Variants in TK2 observed in about 807,000 individuals in gnomAD.
TK2 encodes thymidine kinase 2, also known as thymidine kinase 2, mitochondrial.
TK2 carries 35 observed loss-of-function variants against 41.9 expected under a neutral mutation model. The ratio of observed to expected loss-of-function variants is 0.84; its 90% CI spans 0.64 to 1.11. The LOEUF is 1.11. Among genes scored for constraint, TK2 ranks in the 50% least tolerant of loss-of-function variants. TK2 has a pLI of 0.00. For missense variants in TK2, 320 were observed against 351.1 expected (o/e 0.91, Z 0.71); for synonymous variants, 128 against 129.1 (o/e 0.99, Z 0.06).
chr16:66,531,294 T>C (rs1477635947), intron 5 of TK2, 86 bp downstream of exon 5: 1 of 1,356,310 alleles, frequency 7.4e-7, no homozygotes, highest in East Asian at 2.4e-5. Context: ...CCTGGCTTCC[T>C]TGTAAAGTTT....
chr16:66,537,494 G>C (rs531352288), intron 3 of TK2, among the ~76,000 whole-genome samples: 2 of 152,202 alleles, frequency 1.3e-5, no homozygotes, highest in Non-Finnish European at 2.9e-5. Context: ...ACTGGCTGCT[G>C]ATAGTCCCTG....
chr16:66,539,949 T>G (rs562182282), intron 3 of TK2, among the ~76,000 whole-genome samples: 2 of 152,238 alleles, frequency 1.3e-5, no homozygotes, highest in South Asian at 4.2e-4. Flanking sequence ...AGAGAGCCAC[T>G]GTTATCAGTT....
At chr16:66,550,145 G>T, upstream of TK2, 1 of 1,612,522 alleles carries the variant, frequency 6.2e-7, no homozygotes, top group Non-Finnish European at 8.5e-7. Context: ...GTTGGGCGCC[G>T]CCTGGATCCC....
intron 2 of TK2, among the ~76,000 whole-genome samples, chr16:66,544,601 G>T (rs1965549444): frequency 6.6e-6 from 1 of 152,172 alleles, no homozygotes; most frequent in East Asian, 1.9e-4. Flanking sequence ...CCATGCTGTG[G>T]GAGCACATGG....
intron 6 of TK2, among the ~76,000 whole-genome samples, chr16:66,520,224 G>A (rs1317639385): frequency 1.3e-5 from 2 of 152,146 alleles, no homozygotes; most frequent in African/African-American, 4.8e-5. Flanking sequence ...GGGACTCCCA[G>A]GCAACAAAAC....
rs1964381835 is a variant in TK2, at chr16:66,509,350, A to G, written c.*2618T>C. On this transcript the variant is annotated 3_prime_UTR_variant, in exon 10 of 10. Coordinates refer to ENST00000544898, the MANE Select transcript of TK2 (RefSeq NM_004614.5). The stretch of plus-strand genomic sequence containing the variant: ...GGACCCCGATGGCCACTAAGCCACC[A>G]CAAAGCCCTGGACCACCCCACTACA... 1 of 152,092 alleles carries G rather than the reference A, an allele frequency of 6.6e-6. No homozygotes were observed. The highest frequency in any genetic ancestry group is 1.5e-5 in the Non-Finnish European group (1 of 68,058). The allele number at this position is 152,092 out of a possible 1,614,324, so 9.4% of individuals were successfully genotyped here.
At chr16:66,549,070 T>G in intron 1 of TK2, 61 bp from the exon 2 acceptor site, 1 of 1,607,792 alleles carries the variant, frequency 6.2e-7, no homozygotes, top group Non-Finnish European at 8.5e-7. Context: ...TCTGCCCTAA[T>G]TTGCTACATG....
At chr16:66,513,862 C>T (rs1164453407) in intron 8 of TK2, 51 bp from the exon 9 acceptor site, 2 of 1,537,638 alleles carry the variant, frequency 1.3e-6, no homozygotes, top group Non-Finnish European at 1.8e-6. Context: ...GCAGACCCCA[C>T]CTACCAAGGG....
intron 4 of TK2, among the ~76,000 whole-genome samples, chr16:66,536,126 C>A (rs999974840): frequency 6.6e-6 from 1 of 151,172 alleles, no homozygotes; most frequent in Non-Finnish European, 1.5e-5. Flanking sequence ...ATCGCTTGAA[C>A]CTGGGAGACA....
chr16:66,512,138 G>A (rs1237054980), intron 9 of TK2, 72 bp from the exon 10 acceptor site: 1 of 1,370,580 alleles, frequency 7.3e-7, no homozygotes, highest in Non-Finnish European at 1.0e-6. Context: ...GCTGGAGACA[G>A]ACAGATGGAA....
intron 5 of TK2, among the ~76,000 whole-genome samples, chr16:66,530,760 C>A (rs887871001): frequency 2.0e-5 from 3 of 151,670 alleles, no homozygotes; most frequent in African/African-American, 7.3e-5. Context: ...CTCTGTCACC[C>A]AGGCTGGAGT....
rs1965470467 is a variant in TK2, at chr16:66,541,956, G to A, written c.157-3C>T. ...GCAATATTGCCCTCGACACAGATCT[G>A]GCAAAAGACGAATGCATATTAGAGC... On this transcript the variant is annotated splice_polypyrimidine_tract_variant and splice_region_variant and intron_variant, in intron 2 of 9. Coordinates refer to ENST00000544898, the MANE Select transcript of TK2 (RefSeq NM_004614.5). 6.2e-7 allele frequency: 1 copy of A among 1,613,884 alleles called. No homozygotes were observed. The highest frequency in any genetic ancestry group is 8.5e-7 in the Non-Finnish European group (1 of 1,179,996).
chr16:66,531,412 G>A lies in TK2; in HGVS notation c.343C>T (p.Leu115Phe), dbSNP rs1965108132. ...CGAGTATGCCTGTCCAGCATGGTGA[G>A]CTGCACATAAGTCTGTAGCGTAAGA... is the stretch of plus-strand genomic sequence containing the variant. ...WGLTLQTYVQ[L>F]TMLDRHTRPQ... Residue 115 changes from leucine (L) to phenylalanine (F), a missense_variant, in exon 5 of 10, where the codon CTC becomes TTC. Coordinates refer to ENST00000544898, the MANE Select transcript of TK2 (RefSeq NM_004614.5). The A allele has an allele frequency of 6.2e-7, 1 of 1,614,098 alleles. No homozygotes were observed. Among genetic ancestry groups the A allele is most frequent in the Non-Finnish European group, 8.5e-7 (1 of 1,180,038 alleles).
chr16:66,511,745 C>T lies in TK2; in HGVS notation c.*223G>A, dbSNP rs904749580. On this transcript the variant is annotated 3_prime_UTR_variant, in exon 10 of 10. Transcript: ENST00000544898. ...GAGGCACCGGGGGAATGTGAGGCTG[C>T]GAACAGCAAAGGGCTTGGCAAACCC... 5.0e-5 allele frequency: 30 copies of T among 603,420 alleles called. No homozygotes were observed. The highest frequency in any genetic ancestry group is 1.0e-4 in the Admixed American group (4 of 39,274). 37.4% of individuals were successfully genotyped at this position (603,420 alleles called of 1,614,324 possible). A position where few individuals can be genotyped will look rare whatever the true frequency, so the allele number is the denominator to read the frequency against.
Position 66,511,788 on chromosome 16 carries a change from T to G in TK2, c.*180A>C. 1 of 662,900 alleles carries G rather than the reference T, an allele frequency of 1.5e-6. No individual in the cohort carries two copies. The highest frequency in any genetic ancestry group is 2.2e-5 in the Admixed American group (1 of 45,868). 41.1% of individuals were successfully genotyped at this position (662,900 alleles called of 1,614,324 possible). A position where few individuals can be genotyped will look rare whatever the true frequency, so the allele number is the denominator to read the frequency against. ...GCAAACCCATTGGTCCCGTTTGTCATTTACCCACGAGGGCCAGAGACGCAT... is the reference window on the plus strand; with the variant it reads ...GCAAACCCATTGGTCCCGTTTGTCAGTTACCCACGAGGGCCAGAGACGCAT... On this transcript the variant is annotated 3_prime_UTR_variant, in exon 10 of 10. Transcript: ENST00000544898.
At chr16:66,534,950 T>C (rs1394676951) in intron 4 of TK2, among the ~76,000 whole-genome samples, 1 of 152,262 alleles carries the variant, frequency 6.6e-6, no homozygotes, top group Non-Finnish European at 1.5e-5. Flanking sequence ...CCCAAAGTGC[T>C]GGGATTACAG....
chr16:66,519,709 T>C (rs1964723309), intron 6 of TK2, among the ~76,000 whole-genome samples: 1 of 152,148 alleles, frequency 6.6e-6, no homozygotes. Flanking sequence ...AGAGGAATTC[T>C]CCCTTTAACA....
intron 2 of TK2, among the ~76,000 whole-genome samples, chr16:66,544,248 G>A (rs1334257714): frequency 6.6e-6 from 1 of 152,164 alleles, no homozygotes; most frequent in Non-Finnish European, 1.5e-5. Context: ...GAAATGGAAG[G>A]GGGAACAGGA....
intron 9 of TK2, among the ~76,000 whole-genome samples, chr16:66,513,485 C>G (rs906241078): frequency 7.9e-5 from 12 of 152,196 alleles, no homozygotes; most frequent in Admixed American, 2.6e-4. Flanking sequence ...GATGCTGGAT[C>G]AGTGACAACT....
Sources: allele counts gnomAD v4.1 joint callset (sites outside exome capture counted in the v4.1 genomes callset), GRCh38; gene constraint gnomAD v4.1.1; transcripts MANE v1.5; gene names NCBI Gene and HGNC (gene_info 2026-07-23, HGNC 2026-07-21).